Variants in TACR3 observed in about 807,000 individuals in gnomAD.
The protein encoded by TACR3 is tachykinin receptor 3, also known as neuromedin-K receptor.
TACR3 carries 34 observed loss-of-function variants against 35.0 expected under a neutral mutation model. The observed-to-expected ratio is 0.97, with a 90% CI of 0.74 to 1.30. The LOEUF (loss-of-function observed/expected upper bound fraction) is 1.30, where lower values mean the gene tolerates loss of function less well. Among genes scored for constraint, TACR3 ranks in the 50% most tolerant of loss-of-function variants. The pLI is 0.00. For missense variants in TACR3, 558 were observed against 591.7 expected, an observed-to-expected ratio of 0.94 and a Z score of 0.59; for synonymous variants, 233 against 221.1, an observed-to-expected ratio of 1.05 and a Z score of -0.48.
intron 3 of TACR3, among the ~76,000 whole-genome samples, chr4:103,628,098 G>A (rs937714215): frequency 1.1e-4 from 17 of 152,246 alleles, no homozygotes; most frequent in African/African-American, 4.1e-4. Flanking sequence ...TGAAACTAAT[G>A]AGAAAAAAGA....
chr4:103,592,808 T>A (rs151234862), intron 3 of TACR3, among the ~76,000 whole-genome samples: 1 of 152,250 alleles, frequency 6.6e-6, no homozygotes, highest in African/African-American at 2.4e-5. Context: ...CAGATGAAGG[T>A]TGGCAAGGTT....
chr4:103,590,754 A>G (rs950323772), intron 4 of TACR3, among the ~76,000 whole-genome samples: 2 of 152,234 alleles, frequency 1.3e-5, no homozygotes, highest in Admixed American at 6.5e-5. Flanking sequence ...AGGACTTACG[A>G]GCCCTATGAA....
Position 103,719,396 on chromosome 4 carries a change from C to T in TACR3, c.280G>A (p.Val94Met). 1 of 1,614,266 alleles carries T rather than the reference C, an allele frequency of 6.2e-7. No individual in the cohort carries two copies. Among genetic ancestry groups the T allele is most frequent in the Non-Finnish European group, 8.5e-7 (1 of 1,180,058 alleles). ...CCCAAAACTGCCACTGCCACCACCA[C>T]ACCATACGCCAGGGACCAGAGCGCG... ...RIALWSLAYG[V>M]VVAVAVLGNL... is the part of the protein sequence containing the mutation. Residue 94 changes from valine (V) to methionine (M), a missense_variant, in exon 1 of 5, where the codon GTG (valine) becomes ATG (methionine). Val to Met is a conservative substitution (Grantham distance 21, BLOSUM62 1). Coordinates refer to ENST00000304883, the MANE Select transcript of TACR3 (RefSeq NM_001059.3).
chr4:103,682,507 G>A (rs912244685), intron 1 of TACR3, among the ~76,000 whole-genome samples: 3 of 152,018 alleles, frequency 2.0e-5, no homozygotes, highest in Admixed American at 6.6e-5. Flanking sequence ...TCACTATCAC[G>A]AGAACAGCAT....
intron 1 of TACR3, among the ~76,000 whole-genome samples, chr4:103,669,753 G>T (rs1726015279): frequency 6.6e-6 from 1 of 151,832 alleles, no homozygotes; most frequent in South Asian, 2.1e-4. Flanking sequence ...TTTCTTCTCA[G>T]TTGAATATTC....
At chr4:103,606,288 G>T (rs1217846900) in intron 3 of TACR3, among the ~76,000 whole-genome samples, 1 of 151,970 alleles carries the variant, frequency 6.6e-6, no homozygotes, top group Admixed American at 6.6e-5. Flanking sequence ...TTTTGGCTTA[G>T]GATTGACTTG....
intron 3 of TACR3, among the ~76,000 whole-genome samples, chr4:103,614,884 GTTTTTTTTTTTTTTTT>G (rs71580414): frequency 2.8e-5 from 2 of 72,006 alleles, no homozygotes; most frequent in Non-Finnish European, 5.2e-5. Context: ...TTATGAATGT[GTTTTTTTTTTTTTTTT>G]TTTTTTTTTT....
chr4:103,620,271 A>C (rs1724745814), intron 3 of TACR3, among the ~76,000 whole-genome samples: 1 of 152,222 alleles, frequency 6.6e-6, no homozygotes, highest in Non-Finnish European at 1.5e-5. Flanking sequence ...TTGTGGAGAA[A>C]AGGGAACACT....
intron 3 of TACR3, among the ~76,000 whole-genome samples, chr4:103,644,043 T>A (rs533543017): frequency 6.6e-6 from 1 of 151,678 alleles, no homozygotes. Context: ...CAAAAAAAAA[T>A]AAAAACTTTT....
intron 1 of TACR3, among the ~76,000 whole-genome samples, chr4:103,717,303 G>C (rs998118215): frequency 6.6e-6 from 1 of 151,566 alleles, no homozygotes; most frequent in Non-Finnish European, 1.5e-5. Context: ...TTCAGTACTC[G>C]AACTGAGTAT....
chr4:103,632,498 T>C (rs1481050640), intron 3 of TACR3, among the ~76,000 whole-genome samples: 1 of 141,406 alleles, frequency 7.1e-6, no homozygotes, highest in Non-Finnish European at 1.5e-5. Context: ...TGAGAACACA[T>C]GGACACAGGA....
chr4:103,670,882 G>T (rs1046445038), intron 1 of TACR3, among the ~76,000 whole-genome samples: 2 of 151,952 alleles, frequency 1.3e-5, no homozygotes, highest in African/African-American at 2.4e-5. Context: ...GGGCATCCTT[G>T]TCTTGTTCCA....
intron 3 of TACR3, among the ~76,000 whole-genome samples, chr4:103,638,643 G>A (rs1725268593): frequency 6.6e-6 from 1 of 152,096 alleles, no homozygotes; most frequent in South Asian, 2.1e-4. Flanking sequence ...TACCATCAGA[G>A]TGAACAGACA....
chr4:103,644,454 A>G lies in TACR3; in HGVS notation c.888+11740T>C, dbSNP rs553437809. ...TTTCAGCATACACTGCTGGGTTAAA[A>G]TATTTATATAATTTCAGAATGATAT... On this transcript the variant is annotated intron_variant, in intron 3 of 4. Coordinates refer to ENST00000304883, the MANE Select transcript of TACR3 (RefSeq NM_001059.3). 5.3e-5 allele frequency among the ~76,000 whole-genome samples: 8 copies of G among 151,990 alleles called. No homozygotes were observed. The South Asian group carries it at 1.7e-3, about 31-fold the overall frequency.
chr4:103,599,713 C>T (rs1167785804), intron 3 of TACR3, among the ~76,000 whole-genome samples: 3 of 152,024 alleles, frequency 2.0e-5, no homozygotes, highest in African/African-American at 7.3e-5. Context: ...TTGAGATAGT[C>T]ATGTGCTTTT....
At chr4:103,654,013 G>C (rs2110328238) in intron 3 of TACR3, among the ~76,000 whole-genome samples, 1 of 144,374 alleles carries the variant, frequency 6.9e-6, no homozygotes, top group South Asian at 2.1e-4. Context: ...TCTCACACCA[G>C]TTAGAATGGC....
intron 3 of TACR3, among the ~76,000 whole-genome samples, chr4:103,650,690 A>G (rs1362461836): frequency 1.3e-4 from 1 of 7,872 alleles, no homozygotes; most frequent in African/African-American, 1.4e-3. Context: ...TATCATATAT[A>G]ATATATATTT....
chr4:103,635,859 A>T (rs1181169440), intron 3 of TACR3, among the ~76,000 whole-genome samples: 1 of 151,998 alleles, frequency 6.6e-6, no homozygotes, highest in Non-Finnish European at 1.5e-5. Context: ...GTACCAGTCT[A>T]GCAACCAGCA....
chr4:103,602,223 G>A (rs1247678433), intron 3 of TACR3, among the ~76,000 whole-genome samples: 2 of 152,106 alleles, frequency 1.3e-5, no homozygotes, highest in Non-Finnish European at 2.9e-5. Flanking sequence ...TCGTGCCTTG[G>A]TTTTCAGCTC....
Sources: allele counts gnomAD v4.1 joint callset (sites outside exome capture counted in the v4.1 genomes callset), GRCh38; gene constraint gnomAD v4.1.1; transcripts MANE v1.5; gene names NCBI Gene and HGNC (gene_info 2026-07-23, HGNC 2026-07-21).